SSBP4: variants seen among roughly 807,000 people sequenced by gnomAD.
SSBP4 encodes single-stranded DNA-binding protein 4.
A neutral mutation model predicts 64.6 loss-of-function variants in SSBP4; 33 were observed. That is an observed-to-expected ratio of 0.51 (90% CI 0.39 to 0.68). SSBP4 has a LOEUF of 0.68. SSBP4 is among the 30% of genes least tolerant of loss of function. The probability of loss-of-function intolerance (pLI) is 0.00; values close to 1 mark genes in which losing one functional copy is unlikely to be tolerated. For synonymous variants in SSBP4, 243 were observed against 224.0 expected, an observed-to-expected ratio of 1.08 and a Z score of -0.76; for missense variants, 583 against 566.8, an observed-to-expected ratio of 1.03 and a Z score of -0.29.
chr19:18,424,641 G>A (rs1479236451), intron 1 of SSBP4, among the ~76,000 whole-genome samples: 2 of 151,904 alleles, frequency 1.3e-5, no homozygotes, highest in African/African-American at 2.4e-5. Context: ...GGACTCTGTC[G>A]TAATCCAGGT....
the SSBP4 span, among the ~76,000 whole-genome samples, chr19:18,406,027 G>C: frequency 6.6e-6 from 1 of 151,502 alleles, no homozygotes; most frequent in African/African-American, 2.4e-5. Flanking sequence ...AAAGAAGAGA[G>C]ATGGGGTTTT....
At chr19:18,409,685 ATTTT>A in the SSBP4 span, among the ~76,000 whole-genome samples, 1 of 150,774 alleles carries the variant, frequency 6.6e-6, no homozygotes, top group Non-Finnish European at 1.5e-5. Flanking sequence ...CATCCAGCTA[ATTTT>A]TTATTTTTTG....
intron 17 of SSBP4, 31 bp from the exon 18 acceptor site, chr19:18,434,186 C>A (rs576522256): frequency 6.2e-7 from 1 of 1,610,024 alleles, no homozygotes; most frequent in East Asian, 2.2e-5. Flanking sequence ...TGAACTCGGC[C>A]CCTGCGCGCT....
At chr19:18,416,940 T>C (rs1269408659), upstream of SSBP4, among the ~76,000 whole-genome samples, 2 of 152,204 alleles carry the variant, frequency 1.3e-5, no homozygotes, top group African/African-American at 2.4e-5. Context: ...CCTCGCACTT[T>C]TCCGCCAGCG....
the SSBP4 span, among the ~76,000 whole-genome samples, chr19:18,409,620 G>A: frequency 2.0e-5 from 3 of 152,110 alleles, no homozygotes; most frequent in East Asian, 5.8e-4. Flanking sequence ...TTTTGAAACA[G>A]AGTCTTGCTC....
rs138966125 is a variant in SSBP4, at chr19:18,427,036, C to T, written c.60-315C>T. On this transcript the variant is annotated intron_variant, in intron 1 of 17. Transcript: ENST00000270061. The surrounding 1 kb of genome is among the most constrained non-coding windows in gnomAD (Gnocchi z 4.4). Reference sequence around the variant, plus strand: ...CCAGTGGTCGTCCCCACCCTGCACACACACAGGAATGACACTCCTCTATGG... The same window carrying T: ...CCAGTGGTCGTCCCCACCCTGCACATACACAGGAATGACACTCCTCTATGG... 2.1e-3 allele frequency among the ~76,000 whole-genome samples: 323 copies of T among 152,218 alleles called. 2 individuals carry two copies. The highest frequency in any genetic ancestry group is 7.6e-3 in the African/African-American group (316 of 41,522).
rs1972617548 is a variant in SSBP4 at position 18,423,693 on chromosome 19, G to GTT, written c.60-3658_60-3657insTT. Among the ~76,000 whole-genome samples the GTT allele has an allele frequency of 5.9e-5, 9 of 152,202 alleles. No individual in the cohort carries two copies. The highest frequency in any genetic ancestry group is 1.7e-4 in the African/African-American group (7 of 41,448). On this transcript the variant is annotated intron_variant, in intron 1 of 17. Coordinates refer to ENST00000270061, the MANE Select transcript of SSBP4 (RefSeq NM_032627.5). This position sits in a 1 kb window ranked among gnomAD's most constrained non-coding sequence, Gnocchi z 4.0. ...CATCCTGGCTCTGCTTCCCTGCACA[G>GTT]CCTCATGCTCGCTCCAGGTCCAGGC...
At chr19:18,431,107 C>T (rs1250247744) in intron 5 of SSBP4, among the ~76,000 whole-genome samples, 177 bp downstream of exon 5, 2 of 152,088 alleles carry the variant, frequency 1.3e-5, no homozygotes, top group East Asian at 1.9e-4. Context: ...AGGGAGGGCC[C>T]GAGTGCAGTG....
In SSBP4 at chr19:18,433,766, C is replaced by T. The variant is rs762338182; in HGVS notation, c.1077C>T (p.Asp359=). 1 of 1,427,576 alleles carries T rather than the reference C, an allele frequency of 7.0e-7. No individual in the cohort carries two copies. The highest frequency in any genetic ancestry group is 1.4e-5 in the South Asian group (1 of 73,208). 88.4% of individuals were successfully genotyped at this position (1,427,576 alleles called of 1,614,324 possible). The change falls in exon 17 of 18, where the codon GAC becomes GAT. Residue 359 remains aspartate, a synonymous_variant. Coordinates refer to ENST00000270061, the MANE Select transcript of SSBP4 (RefSeq NM_032627.5). ...ACGCCCCGGGCACCCCGCGGGACGA[C>T]GGCGAGATGGCGGCCGCCGGGACCT... ...LSNAPGTPRD[D]GEMAAAGTFL...
chr19:18,433,019 C>G lies in SSBP4; in HGVS notation c.888C>G (p.Ile296Met), dbSNP rs751400638. The change falls in exon 14 of 18, where the codon ATC (isoleucine) becomes ATG (methionine). Residue 296 changes from isoleucine (I) to methionine (M), a missense_variant. By Grantham distance (10) the Ile-to-Met change is conservative. Around this residue, in one of 5 missense-constraint regions of SSBP4, gnomAD observed 444 missense variants for 386.6 expected, o/e 1.15. Transcript: ENST00000270061. ...ACATGTACACTATCATGAACCCCATCGGGCAGGGCGCCGGCAGGGCTAATG... is the reference window on the plus strand; with the variant it reads ...ACATGTACACTATCATGAACCCCATGGGGCAGGGCGCCGGCAGGGCTAATG... ...SENMYTIMNPIGQGAGRANFP... is the reference protein window; with the variant it reads ...SENMYTIMNPMGQGAGRANFP... 6.2e-7 allele frequency: 1 copy of G among 1,614,156 alleles called. No homozygotes were observed. Among genetic ancestry groups the G allele is most frequent in the East Asian group, 2.2e-5 (1 of 44,884 alleles).
intron 13 of SSBP4, 34 bp downstream of exon 13, chr19:18,432,917 G>T: frequency 6.2e-7 from 1 of 1,614,078 alleles, no homozygotes; most frequent in Non-Finnish European, 8.5e-7. Context: ...GTGTGCTAGG[G>T]TGGGTGTGTT....
upstream of SSBP4, among the ~76,000 whole-genome samples, chr19:18,417,533 G>A (rs1198079468): frequency 1.3e-5 from 2 of 152,236 alleles, no homozygotes; most frequent in African/African-American, 2.4e-5. This position sits in a 1 kb window ranked among gnomAD's most constrained non-coding sequence, Gnocchi z 5.4. Flanking sequence ...AGGCGCTGGC[G>A]GGGGCAGTGG....
intron 17 of SSBP4, 159 bp downstream of exon 17, chr19:18,433,976 C>T (rs1973769676): frequency 1.5e-5 from 13 of 884,506 alleles, no homozygotes; most frequent in South Asian, 4.0e-5. Context: ...CTCAACCTCT[C>T]CCCACCCCCC....
Position 18,433,724 on chromosome 19 carries a change from C to G in SSBP4, c.1035C>G (p.Ala345=). The G allele has an allele frequency of 2.1e-6, 3 of 1,418,090 alleles. No homozygotes were observed. Among genetic ancestry groups the G allele is most frequent in the Non-Finnish European group, 2.7e-6 (3 of 1,096,490 alleles). The allele number at this position is 1,418,090 out of a possible 1,614,324, so 87.8% of individuals were successfully genotyped here. ...MDGLPKSSPG[A]VAGLSNAPGT... is the part of the protein sequence containing the mutation. The stretch of plus-strand genomic sequence containing the variant: ...GCCGCCCCCAGAGTTCCCCCGGCGC[C>G]GTGGCCGGCCTGAGCAACGCCCCGG... Residue 345 remains alanine, a synonymous_variant, in exon 17 of 18, where the codon GCC becomes GCG. Transcript: ENST00000270061.
chr19:18,424,878 G>A (rs1050298599), intron 1 of SSBP4, among the ~76,000 whole-genome samples: 2 of 151,836 alleles, frequency 1.3e-5, no homozygotes, highest in African/African-American at 4.8e-5. Context: ...GGGGAGAATG[G>A]GGAAGGGGTG....
chr19:18,432,952 C>A (rs745402101), intron 13 of SSBP4, 21 bp from the exon 14 acceptor site: 1 of 1,614,124 alleles, frequency 6.2e-7, no homozygotes, highest in Non-Finnish European at 8.5e-7. Flanking sequence ...TCACACCTGG[C>A]ACCCTTCTGG....
upstream of SSBP4, among the ~76,000 whole-genome samples, chr19:18,414,825 G>T (rs549565282): frequency 2.6e-5 from 4 of 152,256 alleles, no homozygotes; most frequent in Admixed American, 2.6e-4. Context: ...GGCTTGGAGG[G>T]GTCACTGAAG....
intron 15 of SSBP4, 75 bp from the exon 16 acceptor site, chr19:18,433,510 T>TC: frequency 6.6e-7 from 1 of 1,525,520 alleles, no homozygotes; most frequent in Non-Finnish European, 8.8e-7. Flanking sequence ...CTTGCGAGGG[T>TC]CGTTGGCCCC....
At chr19:18,419,030 G>A, upstream of SSBP4, 4 of 985,648 alleles carry the variant, frequency 4.1e-6, no homozygotes, top group Non-Finnish European at 4.8e-6. Flanking sequence ...GCTTTATGGG[G>A]CTATCCGCAG....
Sources: allele counts gnomAD v4.1 joint callset (sites outside exome capture counted in the v4.1 genomes callset), GRCh38; gene constraint gnomAD v4.1.1; regional missense constraint gnomAD v4.1.1; non-coding constraint Gnocchi (gnomAD v3.1); transcripts MANE v1.5; gene names NCBI Gene and HGNC (gene_info 2026-07-23, HGNC 2026-07-21).